The following LIMK1 variants were observed in gnomAD, a reference collection of about 807,000 sequenced individuals.
LIMK1 encodes LIM domain kinase 1, also known as LIM motif-containing protein kinase.
In LIMK1, 21 loss-of-function variants were observed where a neutral mutation model predicts 77.6. The observed-to-expected ratio is 0.27, with a 90% CI of 0.19 to 0.39. The LOEUF (loss-of-function observed/expected upper bound fraction) is 0.39. LIMK1 is among the 10% of genes least tolerant of loss of function. LIMK1 has a pLI of 1.00. For missense variants in LIMK1, 696 were observed against 901.6 expected, an observed-to-expected ratio of 0.77 and a Z score of 2.92; for synonymous variants, 358 against 370.0, an observed-to-expected ratio of 0.97 and a Z score of 0.37.
intron 9 of LIMK1, among the ~76,000 whole-genome samples, chr7:74,108,647 CAAA>C (rs1310123718): frequency 5.7e-5 from 5 of 87,868 alleles, no homozygotes; most frequent in Non-Finnish European, 2.4e-5. Flanking sequence ...GACTCCTTCT[CAAA>C]AAAAAAAAAA....
intron 13 of LIMK1, 91 bp downstream of exon 13, chr7:74,116,049 C>T: frequency 7.3e-7 from 1 of 1,377,500 alleles, no homozygotes; most frequent in African/African-American, 1.4e-5. Context: ...CTGGCCCCTC[C>T]CAGCCTCCTT....
At chr7:74,114,551 CAAAA>C (rs547931306) in intron 12 of LIMK1, among the ~76,000 whole-genome samples, 1 of 67,238 alleles carries the variant, frequency 1.5e-5, no homozygotes. Flanking sequence ...GACTCTGCCT[CAAAA>C]AAAAAAAAAA....
rs1554697904 is a variant in LIMK1, at chr7:74,107,898, A to G, written c.1093A>G (p.Met365Val). 6.3e-7 allele frequency: 1 copy of G among 1,577,568 alleles called. No individual in the cohort carries two copies. The highest frequency in any genetic ancestry group is 8.6e-7 in the Non-Finnish European group (1 of 1,161,324). The change falls in exon 9 of 16, where the codon ATG (methionine) becomes GTG (valine). Residue 365 changes from methionine to valine, a missense_variant. Around this residue, in one of 3 missense-constraint regions of LIMK1, gnomAD observed 438 missense variants for 602.3 expected, o/e 0.73. Transcript: ENST00000336180. ...GACACACCGTGAGACAGGTGAGGTG[A>G]TGGTGATGAAGGAGCTGATCCGGTT... ...KVTHRETGEV[M>V]VMKELIRFDE...
intron 2 of LIMK1, among the ~76,000 whole-genome samples, chr7:74,095,509 C>T (rs919412815): frequency 1.3e-5 from 2 of 152,108 alleles, no homozygotes; most frequent in African/African-American, 2.4e-5. Flanking sequence ...TGGGCTCAAG[C>T]GATCCTCCCT....
Position 74,097,201 on chromosome 7 carries a change from G to A in LIMK1, c.401+12G>A, listed in dbSNP as rs377422774. 3.5e-4 allele frequency: 553 copies of A among 1,573,170 alleles called. 2 individuals are homozygous for A. In the Middle Eastern group the frequency reaches 3.6e-3, roughly 10 times the overall value. On this transcript the variant is annotated intron_variant, in intron 4 of 15. Coordinates refer to ENST00000336180, the MANE Select transcript of LIMK1 (RefSeq NM_002314.4). ...TCCAAGCTGTACTGGTGAGTGCCTT[G>A]GCCCCTCCCTGAGCCTAGGAGGCCC...
At chr7:74,108,004 C>T (rs1554697948) in intron 9 of LIMK1, 47 bp downstream of exon 9, 2 of 1,367,440 alleles carry the variant, frequency 1.5e-6, no homozygotes, top group Admixed American at 3.9e-5. Flanking sequence ...CTTCCAGGTG[C>T]TCACCCCTGC....
chr7:74,105,513 CAA>C (rs201143839), intron 5 of LIMK1, among the ~76,000 whole-genome samples: 51 of 93,652 alleles, frequency 5.4e-4, no homozygotes, highest in Non-Finnish European at 6.2e-4. Context: ...ATTCTGTCTC[CAA>C]AAAAAAAAAA....
chr7:74,099,324 A>T lies in LIMK1; in HGVS notation c.608+86A>T. ...AGAGTCTGGCACTGGGGGCCCTGAAAATGAATGGGCGAGTGTTTGGGTACA... is the reference window on the plus strand; with the variant it reads ...AGAGTCTGGCACTGGGGGCCCTGAATATGAATGGGCGAGTGTTTGGGTACA... On this transcript the variant is annotated intron_variant, in intron 5 of 15. Coordinates refer to ENST00000336180, the MANE Select transcript of LIMK1 (RefSeq NM_002314.4). 3 of 1,333,106 alleles carry T rather than the reference A, an allele frequency of 2.3e-6. No individual in the cohort carries two copies. The Admixed American group carries it at 5.2e-5, about 23-fold the overall frequency. The allele number at this position is 1,333,106 out of a possible 1,614,324, so 82.6% of individuals were successfully genotyped here. A position where few individuals can be genotyped will look rare whatever the true frequency, so the allele number is the denominator to read the frequency against.
chr7:74,120,848 G>A (rs879947547), intron 14 of LIMK1, 44 bp from the exon 15 acceptor site: 1 of 1,612,622 alleles, frequency 6.2e-7, no homozygotes, highest in South Asian at 1.1e-5. Context: ...AGATGCCCAG[G>A]CTGAGGGCCC....
At chr7:74,107,795 G>A (rs1799608007) in intron 8 of LIMK1, 76 bp from the exon 9 acceptor site, 1 of 1,116,526 alleles carries the variant, frequency 9.0e-7, no homozygotes, top group Non-Finnish European at 1.3e-6. Flanking sequence ...GGCAGTCCTG[G>A]GGTGGAGATG....
Position 74,113,588 on chromosome 7 carries a change from G to A in LIMK1, c.1410+1590G>A, listed in dbSNP as rs537414726. On this transcript the variant is annotated intron_variant, in intron 12 of 15. Transcript: ENST00000336180. ...TGTAGTGAGCTGAGATTATGCCACT[G>A]CACTCCAGCCTGGGTGATAGAGTCA... Among the ~76,000 whole-genome samples, 25 of 151,476 alleles carry A rather than the reference G, an allele frequency of 1.7e-4. No homozygotes were observed. The South Asian group carries it at 4.2e-3, about 25-fold the overall frequency.
intron 9 of LIMK1, among the ~76,000 whole-genome samples, chr7:74,108,248 G>A (rs917093704): frequency 6.6e-6 from 1 of 152,070 alleles, no homozygotes; most frequent in Non-Finnish European, 1.5e-5. Context: ...TGAGGTGGGA[G>A]GCTCGCTTGA....
chr7:74,093,208 C>T (rs1799271960), intron 2 of LIMK1: 2 of 1,534,206 alleles, frequency 1.3e-6, no homozygotes, highest in Non-Finnish European at 1.7e-6. Context: ...GCCACCCCTG[C>T]CCTCCCTTAG....
Position 74,122,085 on chromosome 7 carries a change from T to C in LIMK1, c.*784T>C, listed in dbSNP as rs1346181912. The C allele has an allele frequency of 6.6e-6, 1 of 152,634 alleles. No homozygotes were observed. Among genetic ancestry groups the C allele is most frequent in the African/African-American group, 2.4e-5 (1 of 41,428 alleles). The allele number at this position is 152,634 out of a possible 1,614,324, so 9.5% of individuals were successfully genotyped here. On this transcript the variant is annotated 3_prime_UTR_variant, in exon 16 of 16. Transcript: ENST00000336180. Reference sequence around the variant, plus strand: ...TCCGGCAGTGAGAGGATAGGCACAGTGGACCGGGCAGGTGTCCACCAGCAG... The same window carrying C: ...TCCGGCAGTGAGAGGATAGGCACAGCGGACCGGGCAGGTGTCCACCAGCAG...
intron 2 of LIMK1, chr7:74,093,237 G>A (rs2115642482): frequency 6.5e-7 from 1 of 1,535,794 alleles, no homozygotes; most frequent in East Asian, 2.4e-5. Context: ...AGCCCCCAGT[G>A]TAGCCACAGA....
chr7:74,105,331 G>T (rs2269083), intron 5 of LIMK1, among the ~76,000 whole-genome samples: 1 of 151,922 alleles, frequency 6.6e-6, no homozygotes, highest in South Asian at 2.1e-4. Flanking sequence ...GAAATGTGGT[G>T]TAACCCCGTC....
At chr7:74,101,796 T>A (rs1267032112) in intron 5 of LIMK1, among the ~76,000 whole-genome samples, 1 of 86,826 alleles carries the variant, frequency 1.2e-5, no homozygotes, top group Non-Finnish European at 2.2e-5. Flanking sequence ...TTTACATATG[T>A]ATGTCATATA....
Position 74,085,731 on chromosome 7 carries a change from CCCTT to C in LIMK1, c.56-14_56-11del. ...CACTTCCTGAGAATGCTTCCCAACT[CCCTT>C]CCCACCCTGCAGGAAGCGAGTTGCC... On this transcript the variant is annotated splice_polypyrimidine_tract_variant and intron_variant, in intron 1 of 15. Coordinates refer to ENST00000336180, the MANE Select transcript of LIMK1 (RefSeq NM_002314.4). The C allele has an allele frequency of 6.5e-7, 1 of 1,549,208 alleles. No individual in the cohort carries two copies. The highest frequency in any genetic ancestry group is 8.7e-7 in the Non-Finnish European group (1 of 1,145,988).
At position 74,100,069 on chromosome 7, in the gene LIMK1, G is replaced by A. The variant is rs567125213; in HGVS notation, c.608+831G>A. ...TCGAAACACTTTGGGAGGCTGAGAT[G>A]GGAGGATCACTTGAGGCCAGGAGTT... On this transcript the variant is annotated intron_variant, in intron 5 of 15. Transcript: ENST00000336180. 2.6e-5 allele frequency among the ~76,000 whole-genome samples: 4 copies of A among 152,230 alleles called. No homozygotes were observed. In the East Asian group the frequency reaches 7.7e-4, roughly 29 times the overall value.
Sources: allele counts gnomAD v4.1 joint callset (sites outside exome capture counted in the v4.1 genomes callset), GRCh38; gene constraint gnomAD v4.1.1; regional missense constraint gnomAD v4.1.1; transcripts MANE v1.5; gene names NCBI Gene and HGNC (gene_info 2026-07-23, HGNC 2026-07-21).